The following PTPRT variants were observed in gnomAD, a reference collection of about 807,000 sequenced individuals.
The protein encoded by PTPRT is receptor-type tyrosine-protein phosphatase T.
In PTPRT, 56 loss-of-function variants were observed where a neutral mutation model predicts 176.8. The ratio of observed to expected loss-of-function variants is 0.32; its 90% CI spans 0.26 to 0.40. The LOEUF (loss-of-function observed/expected upper bound fraction) is 0.40, where lower values mean the gene tolerates loss of function less well. Among genes scored for constraint, PTPRT ranks in the 10% least tolerant of loss-of-function variants. The pLI is 1.00. For missense variants in PTPRT, 1,540 were observed against 1,908.2 expected, an observed-to-expected ratio of 0.81 and a Z score of 3.60; for synonymous variants, 783 against 739.0, an observed-to-expected ratio of 1.06 and a Z score of -0.96.
chr20:42,637,650 T>C (rs2074635935), intron 7 of PTPRT, among the ~76,000 whole-genome samples: 1 of 152,170 alleles, frequency 6.6e-6, no homozygotes, highest in Non-Finnish European at 1.5e-5. Flanking sequence ...CATTTTCACC[T>C]GAAGAATAAT....
At chr20:42,660,796 A>G (rs1160551043) in intron 7 of PTPRT, among the ~76,000 whole-genome samples, 1 of 152,200 alleles carries the variant, frequency 6.6e-6, no homozygotes, top group Non-Finnish European at 1.5e-5. Context: ...CACACAGATA[A>G]GTAGACAACT....
chr20:42,284,995 A>G (rs1223752217), intron 12 of PTPRT, among the ~76,000 whole-genome samples: 2 of 151,944 alleles, frequency 1.3e-5, no homozygotes, highest in South Asian at 2.1e-4. Context: ...TGAGAAAAAA[A>G]GTAACAGTAA....
At chr20:42,327,080 G>GGGGTGT (rs1279798484) in intron 11 of PTPRT, among the ~76,000 whole-genome samples, 70 of 146,446 alleles carry the variant, frequency 4.8e-4, no homozygotes, top group African/African-American at 1.7e-3. Flanking sequence ...ACTAGGTAGG[G>GGGGTGT]GTGTGTGTGT....
intron 7 of PTPRT, among the ~76,000 whole-genome samples, chr20:42,508,168 C>T (rs1278432669): frequency 5.2e-5 from 7 of 134,744 alleles, no homozygotes; most frequent in Non-Finnish European, 9.0e-5. Context: ...TAACATCTTT[C>T]CATTTCCTTA....
chr20:42,657,163 A>G (rs939480777), intron 7 of PTPRT, among the ~76,000 whole-genome samples: 2 of 152,106 alleles, frequency 1.3e-5, no homozygotes, highest in African/African-American at 4.8e-5. Flanking sequence ...CATGTGAAAA[A>G]GGATGTATTT....
At chr20:42,730,720 C>T (rs979557800) in intron 6 of PTPRT, among the ~76,000 whole-genome samples, 2 of 152,180 alleles carry the variant, frequency 1.3e-5, no homozygotes, top group Admixed American at 6.5e-5. Flanking sequence ...GGAACTCTCT[C>T]AGCCAAGATC....
the PTPRT span, among the ~76,000 whole-genome samples, chr20:42,036,528 G>T: frequency 6.6e-6 from 1 of 152,120 alleles, no homozygotes; most frequent in East Asian, 1.9e-4. Context: ...TCCACAGTTG[G>T]TGCCCATTCT....
intron 7 of PTPRT, among the ~76,000 whole-genome samples, chr20:42,614,516 A>G (rs1001397893): frequency 4.6e-5 from 7 of 151,136 alleles, no homozygotes; most frequent in Non-Finnish European, 8.8e-5. Flanking sequence ...TTCCAGTGTC[A>G]GCCGAGCTAA....
At chr20:42,978,472 T>C (rs1479571860) in intron 1 of PTPRT, among the ~76,000 whole-genome samples, 1 of 152,202 alleles carries the variant, frequency 6.6e-6, no homozygotes, top group African/African-American at 2.4e-5. Flanking sequence ...TGCAAGAATT[T>C]ATATCCTCTA....
rs910152138 is a variant in PTPRT at position 43,169,232 on chromosome 20, G to A, written c.88+20414C>T. ...AAAATACTCTAAAAAGAGTCACTGC[G>A]ATTAGGGCAAACAATTTCACCTTTT... On this transcript the variant is annotated intron_variant, in intron 1 of 30. Transcript: ENST00000373187. Among the ~76,000 whole-genome samples the A allele has an allele frequency of 9.2e-5, 14 of 152,178 alleles. 1 individual carries two copies. The highest frequency in any genetic ancestry group is 7.2e-4 in the Admixed American group (11 of 15,282).
chr20:42,751,946 T>C (rs1223014548), intron 6 of PTPRT, among the ~76,000 whole-genome samples: 1 of 152,188 alleles, frequency 6.6e-6, no homozygotes, highest in African/African-American at 2.4e-5. Context: ...CCCCTTCATA[T>C]ATACATATAT....
At chr20:42,502,938 C>T (rs895115275) in intron 7 of PTPRT, among the ~76,000 whole-genome samples, 1 of 151,966 alleles carries the variant, frequency 6.6e-6, no homozygotes, top group African/African-American at 2.4e-5. Flanking sequence ...TAAATATTTG[C>T]TGTTCTAATT....
rs555636723 is a variant in PTPRT, at chr20:43,055,375, C to T, written c.88+134271G>A. ...CCTGTCAACTAAGGGGGCAGGAAAA[C>T]GTCGAGGAAACATCTGGGCTTTATC... On this transcript the variant is annotated intron_variant, in intron 1 of 30. Coordinates refer to ENST00000373187, the MANE Select transcript of PTPRT (RefSeq NM_007050.6). Among the ~76,000 whole-genome samples, 6 of 152,284 alleles carry T rather than the reference C, an allele frequency of 3.9e-5. No individual in the cohort carries two copies. In the South Asian group the frequency reaches 6.2e-4, roughly 16 times the overall value.
intron 2 of PTPRT, among the ~76,000 whole-genome samples, chr20:42,874,050 C>T (rs923150662): frequency 2.6e-5 from 4 of 152,140 alleles, no homozygotes; most frequent in Non-Finnish European, 5.9e-5. Context: ...CTTGCAGGAG[C>T]TCTAGCCCCT....
chr20:42,127,375 T>C (rs1013505464), intron 19 of PTPRT, among the ~76,000 whole-genome samples: 17 of 152,002 alleles, frequency 1.1e-4, no homozygotes, highest in Admixed American at 1.1e-3. Flanking sequence ...CTCCAGTGTC[T>C]GTCTGTCTGT....
intron 9 of PTPRT, among the ~76,000 whole-genome samples, chr20:42,384,510 A>C (rs2058725100): frequency 6.6e-6 from 1 of 152,208 alleles, no homozygotes; most frequent in African/African-American, 2.4e-5. Flanking sequence ...TTCATTCACC[A>C]GTGGGCATTT....
intron 1 of PTPRT, among the ~76,000 whole-genome samples, chr20:43,085,614 C>A (rs929752683): frequency 1.3e-5 from 2 of 152,158 alleles, no homozygotes; most frequent in African/African-American, 4.8e-5. Context: ...ATCTTACATG[C>A]CAGCAGGCAA....
chr20:43,011,508 G>A (rs535522472), intron 1 of PTPRT, among the ~76,000 whole-genome samples: 6 of 152,102 alleles, frequency 3.9e-5, no homozygotes, highest in East Asian at 3.9e-4. Context: ...AGTGGAGATC[G>A]ATGCCTCAAG....
chr20:42,155,736 A>T (rs565472428), intron 17 of PTPRT, among the ~76,000 whole-genome samples: 1 of 152,168 alleles, frequency 6.6e-6, no homozygotes, highest in Non-Finnish European at 1.5e-5. Context: ...ATGGCTCTAC[A>T]TGCAGAAAAA....
Sources: gnomAD v4.1 joint callset for allele counts (sites outside exome capture counted in the v4.1 genomes callset) on GRCh38, gnomAD v4.1.1 for gene constraint, MANE v1.5 for transcripts, NCBI Gene and HGNC (gene_info 2026-07-23, HGNC 2026-07-21) for gene names.